The following ENAH variants were observed in gnomAD, a reference collection of about 807,000 sequenced individuals.
ENAH encodes ENAH actin regulator, also known as protein enabled homolog.
A neutral mutation model predicts 78.7 loss-of-function variants in ENAH; 23 were observed. The ratio of observed to expected loss-of-function variants is 0.29; its 90% CI spans 0.21 to 0.41. The LOEUF is 0.41. Among genes scored for constraint, ENAH ranks in the 10% least tolerant of loss-of-function variants. The probability of loss-of-function intolerance (pLI) is 1.00; values close to 1 mark genes in which losing one functional copy is unlikely to be tolerated. For synonymous variants in ENAH, 226 were observed against 241.0 expected (o/e 0.94, Z 0.58); for missense variants, 544 against 691.0 (o/e 0.79, Z 2.39).
At position 225,490,016 on chromosome 1, in the gene ENAH, AT is replaced by A. The variant is rs1239723883; in HGVS notation, c.*7758del. On this transcript the variant is annotated 3_prime_UTR_variant, in exon 14 of 14. Transcript: ENST00000366843. ...TTGCTTGTATAGTGGCAAGGAAAAAATAAAAACAAAACAAAAAGAATTTAAA... is the reference window on the plus strand; with the variant it reads ...TTGCTTGTATAGTGGCAAGGAAAAAAAAAAACAAAACAAAAAGAATTTAAA... The A allele has an allele frequency of 6.6e-6, 1 of 152,162 alleles. No homozygotes were observed. The highest frequency in any genetic ancestry group is 1.9e-4 in the East Asian group (1 of 5,194). 9.4% of individuals were successfully genotyped at this position (152,162 alleles called of 1,614,324 possible).
chr1:225,554,037 C>T (rs576238556), intron 3 of ENAH, among the ~76,000 whole-genome samples: 1 of 152,202 alleles, frequency 6.6e-6, no homozygotes, highest in East Asian at 1.9e-4. Context: ...AGATTTTGAA[C>T]AGATTTTGAT....
chr1:225,578,881 C>T (rs1248291888), intron 1 of ENAH, among the ~76,000 whole-genome samples: 3 of 152,100 alleles, frequency 2.0e-5, no homozygotes, highest in African/African-American at 4.8e-5. Context: ...TTATGAAAGA[C>T]CTAAATCCCA....
At chr1:225,505,624 C>T (rs1483778083) in intron 11 of ENAH, among the ~76,000 whole-genome samples, 1 of 39,930 alleles carries the variant, frequency 2.5e-5, no homozygotes, top group African/African-American at 8.7e-5. Context: ...AAGGATAAGA[C>T]ATACTTAATA....
At chr1:225,580,279 T>C (rs1056569769) in intron 1 of ENAH, 5 of 151,994 alleles carry the variant, frequency 3.3e-5, no homozygotes, top group Admixed American at 6.6e-5. Flanking sequence ...CACCACCTTA[T>C]GGAGAGGCCC....
chr1:225,502,135 A>G (rs918438398), intron 11 of ENAH, among the ~76,000 whole-genome samples: 2 of 152,234 alleles, frequency 1.3e-5, no homozygotes, highest in Non-Finnish European at 2.9e-5. Flanking sequence ...TATAATTCTT[A>G]TAAGACATAA....
intron 1 of ENAH, among the ~76,000 whole-genome samples, chr1:225,641,830 G>A (rs565397245): frequency 5.3e-5 from 8 of 152,210 alleles, no homozygotes; most frequent in East Asian, 3.9e-4. Flanking sequence ...AGACCAGCCC[G>A]GCCAACATGG....
chr1:225,612,850 G>T (rs937289993), intron 1 of ENAH, among the ~76,000 whole-genome samples: 2 of 151,858 alleles, frequency 1.3e-5, no homozygotes, highest in East Asian at 1.9e-4. Context: ...CAAAAAAAAG[G>T]GGGGGAGGAG....
At position 225,565,932 on chromosome 1, in the gene ENAH, C is replaced by T. The variant is rs560329035; in HGVS notation, c.171+1317G>A. ...AGAGAGGGCAGAAAGAGAGGCAGGC[C>T]GAAACCGTCTGTATAAATGGATAAA... On this transcript the variant is annotated intron_variant, in intron 2 of 13. Transcript: ENST00000366843. Among the ~76,000 whole-genome samples the T allele has an allele frequency of 2.0e-5, 3 of 152,142 alleles. No individual in the cohort carries two copies. In the South Asian group the frequency reaches 6.2e-4, roughly 32 times the overall value.
intron 1 of ENAH, among the ~76,000 whole-genome samples, chr1:225,637,176 G>C (rs1660211477): frequency 6.6e-6 from 1 of 152,010 alleles, no homozygotes; most frequent in African/African-American, 2.4e-5. Flanking sequence ...GCAGGGGAAG[G>C]TTTCTTCAGT....
intron 3 of ENAH, among the ~76,000 whole-genome samples, chr1:225,532,996 G>A (rs552936252): frequency 1.3e-5 from 2 of 151,786 alleles, no homozygotes; most frequent in South Asian, 4.2e-4. Context: ...CCTTTAAATT[G>A]GGTGTGTGTG....
intron 2 of ENAH, among the ~76,000 whole-genome samples, chr1:225,557,713 T>A (rs2096674022): frequency 6.6e-6 from 1 of 151,980 alleles, no homozygotes; most frequent in Admixed American, 6.6e-5. Context: ...CCCAGCTACT[T>A]GGGAGGCTGA....
At chr1:225,506,093 C>T (rs1376168322) in intron 11 of ENAH, among the ~76,000 whole-genome samples, 2 of 152,024 alleles carry the variant, frequency 1.3e-5, no homozygotes, top group Non-Finnish European at 1.5e-5. Context: ...GAATGTATTC[C>T]ATTTGGAGAA....
In ENAH at chr1:225,494,582, G is replaced by A. The variant is rs986385469; in HGVS notation, c.*3193C>T. The A allele has an allele frequency of 3.3e-5, 5 of 151,868 alleles. No individual in the cohort carries two copies. The South Asian group carries it at 6.2e-4, about 19-fold the overall frequency. The allele number at this position is 151,868 out of a possible 1,614,324, so 9.4% of individuals were successfully genotyped here. ...GTGGGCAGAGAGAAAATAAGAAGAGGGAACACCCAACAGTTATTTCAAACA... is the reference window on the plus strand; with the variant it reads ...GTGGGCAGAGAGAAAATAAGAAGAGAGAACACCCAACAGTTATTTCAAACA... On this transcript the variant is annotated 3_prime_UTR_variant, in exon 14 of 14. Coordinates refer to ENST00000366843, the MANE Select transcript of ENAH (RefSeq NM_018212.6).
intron 1 of ENAH, among the ~76,000 whole-genome samples, chr1:225,597,936 C>CT (rs77379508): frequency 0.035 from 5,011 of 144,926 alleles, 126 homozygotes; most frequent in East Asian, 0.087. Flanking sequence ...CTCCACTTAA[C>CT]TTTTTTTTTT....
chr1:225,622,264 C>T (rs916849049), intron 1 of ENAH, among the ~76,000 whole-genome samples: 3 of 151,962 alleles, frequency 2.0e-5, no homozygotes, highest in African/African-American at 4.8e-5. Context: ...GATTGTACAC[C>T]TTAAATATGT....
chr1:225,632,441 A>T (rs1280965405), intron 1 of ENAH, among the ~76,000 whole-genome samples: 1 of 151,346 alleles, frequency 6.6e-6, no homozygotes, highest in East Asian at 1.9e-4. Flanking sequence ...GAGGCTGCAG[A>T]GAGCCAAGAT....
rs142826067 is a variant in ENAH, at chr1:225,548,263, A to G, written c.349+6643T>C. Among the ~76,000 whole-genome samples, 44 of 142,808 alleles carry G rather than the reference A, an allele frequency of 3.1e-4. 2 individuals are homozygous for G. In the East Asian group the frequency reaches 8.8e-3, roughly 29 times the overall value. 93.7% of individuals were successfully genotyped at this position (142,808 alleles called of 152,430 possible). On this transcript the variant is annotated intron_variant, in intron 3 of 13. Transcript: ENST00000366843. ...AAATAACATTTTCTAGTTTAATACT[A>G]TGCCTTTGCCTTGTTTAATTCCCAT... is the stretch of plus-strand genomic sequence containing the variant.
chr1:225,618,566 C>G (rs1483798150), intron 1 of ENAH, among the ~76,000 whole-genome samples: 1 of 152,180 alleles, frequency 6.6e-6, no homozygotes, highest in Non-Finnish European at 1.5e-5. Flanking sequence ...TTCACTGATC[C>G]TAGACAGGTG....
At chr1:225,501,623 A>C (rs2096282811) in intron 11 of ENAH, among the ~76,000 whole-genome samples, 1 of 152,236 alleles carries the variant, frequency 6.6e-6, no homozygotes, top group South Asian at 2.1e-4. Flanking sequence ...CATTTCAAGC[A>C]TCAAAATAAA....
Sources: allele counts gnomAD v4.1 joint callset (sites outside exome capture counted in the v4.1 genomes callset), GRCh38; gene constraint gnomAD v4.1.1; transcripts MANE v1.5; gene names NCBI Gene and HGNC (gene_info 2026-07-23, HGNC 2026-07-21).